Variants in APC observed in about 807,000 individuals in gnomAD.
APC encodes adenomatous polyposis coli protein.
APC carries 72 observed loss-of-function variants against 247.0 expected under a neutral mutation model. The observed-to-expected ratio is 0.29, with a 90% CI of 0.24 to 0.35. The LOEUF (loss-of-function observed/expected upper bound fraction) is 0.35. Ranked by LOEUF, APC falls within the 10% of genes least tolerant of loss-of-function variation. The probability of loss-of-function intolerance (pLI) is 1.00; values close to 1 mark genes in which losing one functional copy is unlikely to be tolerated. For missense variants in APC, 3,400 were observed against 3,360.7 expected (o/e 1.01, Z -0.29); for synonymous variants, 1,254 against 1,162.5 (o/e 1.08, Z -1.60).
intron 1 of APC, among the ~76,000 whole-genome samples, chr5:112,712,977 C>G (rs1482016972): frequency 6.6e-6 from 1 of 151,996 alleles, no homozygotes; most frequent in African/African-American, 2.4e-5. Context: ...TTGAGACCAG[C>G]CTGGCTAACA....
At chr5:112,718,981 C>CT (rs2149652843) in intron 1 of APC, among the ~76,000 whole-genome samples, 1 of 152,208 alleles carries the variant, frequency 6.6e-6, no homozygotes, top group South Asian at 2.1e-4. Flanking sequence ...TTGCAAAGCC[C>CT]TAAGGGAAGG....
rs76039388 is a variant in APC, at chr5:112,731,333, A to G, written c.165+23451A>G. Among the ~76,000 whole-genome samples the G allele has an allele frequency of 6.6e-6, 1 of 152,168 alleles. No homozygotes were observed. Among genetic ancestry groups the G allele is most frequent in the Non-Finnish European group, 1.5e-5 (1 of 68,032 alleles). On this transcript the variant is annotated intron_variant, in intron 1 of 13. Coordinates refer to the APC transcript ENST00000507379. ...GACTGGGTAATTTATAATGAACAGA[A>G]ATTTATTGGTTCATAGTTATAGGAG... is the stretch of plus-strand genomic sequence containing the variant.
intron 6 of APC, among the ~76,000 whole-genome samples, chr5:112,787,633 C>T (rs745422017): frequency 3.9e-5 from 6 of 152,138 alleles, no homozygotes; most frequent in Non-Finnish European, 5.9e-5. Context: ...TCATTCCCTA[C>T]TGTTAAATGT....
chr5:112,759,614 C>G (rs1448378956), intron 2 of APC, among the ~76,000 whole-genome samples: 1 of 152,100 alleles, frequency 6.6e-6, no homozygotes, highest in Non-Finnish European at 1.5e-5. Flanking sequence ...CCTCGGCCTC[C>G]AAAGTGCTGG....
In APC at chr5:112,775,611, T is replaced by TAA; in HGVS notation, c.423-18_423-17insAA. The TAA allele has an allele frequency of 6.7e-7, 1 of 1,495,404 alleles. No individual in the cohort carries two copies. Among genetic ancestry groups the TAA allele is most frequent in the Non-Finnish European group, 9.3e-7 (1 of 1,079,436 alleles). 92.6% of individuals were successfully genotyped at this position (1,495,404 alleles called of 1,614,324 possible). ...TAGCATTGTTTAAACGTACCTTTTT[T>TAA]TAAAAAAAAAAAAATAGGTCATTGC... On this transcript the variant is annotated splice_polypyrimidine_tract_variant and intron_variant, in intron 4 of 15. Transcript: ENST00000257430.
intron 11 of APC, among the ~76,000 whole-genome samples, chr5:112,826,683 AAAATT>A (rs1368480472): frequency 1.3e-5 from 2 of 151,814 alleles, no homozygotes; most frequent in African/African-American, 4.8e-5. Context: ...CCAAAAAAAA[AAAATT>A]AAAGTAGTTA....
chr5:112,804,214 G>C (rs981647674), intron 8 of APC, among the ~76,000 whole-genome samples: 1 of 152,144 alleles, frequency 6.6e-6, no homozygotes, highest in African/African-American at 2.4e-5. Flanking sequence ...TTGATACGCT[G>C]TATTCCTGCT....
rs572333060 is a variant in APC at position 112,844,165 on chromosome 5, T to C, written c.*39T>C. 6.5e-7 allele frequency: 1 copy of C among 1,536,292 alleles called. No homozygotes were observed. The highest frequency in any genetic ancestry group is 9.0e-7 in the Non-Finnish European group (1 of 1,112,362). On this transcript the variant is annotated 3_prime_UTR_variant, in exon 16 of 16. Coordinates refer to ENST00000257430, the MANE Select transcript of APC (RefSeq NM_000038.6). ...TGAAACTAAGAAAATTCTATGTTAA[T>C]TACAACTGCTATATAGACATTTTGT...
chr5:112,836,165 T>TCCCCCCCCCCCCCCCCCC lies in APC; in HGVS notation c.1958+1014_1958+1015insCCCCCCCCCCCCCCCCCC, dbSNP rs59050067. 5.3e-4 allele frequency among the ~76,000 whole-genome samples: 13 copies of TCCCCCCCCCCCCCCCCCC among 24,492 alleles called. 1 individual carries two copies. Among genetic ancestry groups the TCCCCCCCCCCCCCCCCCC allele is most frequent in the South Asian group, 4.4e-3 (1 of 228 alleles). The allele number at this position is 24,492 out of a possible 152,430, so 16.1% of individuals were successfully genotyped here. On this transcript the variant is annotated intron_variant, in intron 15 of 15. Transcript: ENST00000257430. Reference sequence around the variant, plus strand: ...CCTCCCGAGTAGCTGGGATTACAGGTCCCCCCCCCCCCCCGCCACCGTGCC... The same window carrying TCCCCCCCCCCCCCCCCCC: ...CCTCCCGAGTAGCTGGGATTACAGGTCCCCCCCCCCCCCCCCCCCCCCCCCCCCCCCCGCCACCGTGCC...
chr5:112,841,581 A>T lies in APC; in HGVS notation c.5987A>T (p.Gln1996Leu), dbSNP rs587779802. Residue 1996 changes from glutamine (Q) to leucine (L), a missense_variant, in exon 16 of 16, where the codon CAG (glutamine) becomes CTG (leucine). Coordinates refer to ENST00000257430, the MANE Select transcript of APC (RefSeq NM_000038.6). The surrounding 1 kb of genome is among the most constrained non-coding windows in gnomAD (Gnocchi z 4.6). Reference protein sequence around the residue: ...PIKETEPPDSQGEPSKPQASG... With the variant: ...PIKETEPPDSLGEPSKPQASG... ...AAAGAGACTGAGCCCCCTGACTCAC[A>T]GGGAGAACCAAGTAAACCTCAAGCA... 6.2e-6 allele frequency: 10 copies of T among 1,613,836 alleles called. No individual in the cohort carries two copies. The highest frequency in any genetic ancestry group is 1.3e-5 in the African/African-American group (1 of 74,918).
rs1750576410 is a variant in APC at position 112,707,558 on chromosome 5, G to A, written c.-160G>A. On this transcript the variant is annotated 5_prime_UTR_variant, in exon 1 of 14. Coordinates refer to the APC transcript ENST00000507379. ...AGGGCAAGTAGCAAGGGGGCGGGGT[G>A]TGGCCGCCGGAAGCCTAGCCGCTGC... 3.1e-6 allele frequency: 2 copies of A among 652,682 alleles called. No individual in the cohort carries two copies. The highest frequency in any genetic ancestry group is 4.8e-6 in the Non-Finnish European group (2 of 416,374). The allele number at this position is 652,682 out of a possible 1,614,324, so 40.4% of individuals were successfully genotyped here.
intron 1 of APC, chr5:112,707,922 AGC>A: frequency 1.5e-6 from 2 of 1,324,954 alleles, no homozygotes; most frequent in Non-Finnish European, 2.0e-6. Flanking sequence ...CTCCCGGCAA[AGC>A]TTCCTCGGCT....
Position 112,838,399 on chromosome 5 carries a change from C to T in APC, c.2805C>T (p.Tyr935=), listed in dbSNP as rs137854575. 5.1e-4 allele frequency: 818 copies of T among 1,614,184 alleles called. No homozygotes were observed. The highest frequency in any genetic ancestry group is 6.1e-4 in the Non-Finnish European group (723 of 1,180,020). Residue 935 remains tyrosine (Y), a synonymous_variant, in exon 16 of 16, where the codon TAC becomes TAT. Transcript: ENST00000257430. ...CTGCCCATACACATTCAAACACTTA[C>T]AATTTCACTAAGTCGGAAAATTCAA... ...SSAAHTHSNT[Y]NFTKSENSNR...
At chr5:112,765,713 A>C (rs1269816772) in intron 2 of APC, among the ~76,000 whole-genome samples, 1 of 152,240 alleles carries the variant, frequency 6.6e-6, no homozygotes. Context: ...AAACTGGTAG[A>C]AAATGAAAAT....
rs1561596883 is a variant in APC, at chr5:112,840,587, C to T, written c.4993C>T (p.Pro1665Ser). The T allele has an allele frequency of 1.2e-6, 2 of 1,614,064 alleles. No individual in the cohort carries two copies. Among genetic ancestry groups the T allele is most frequent in the Non-Finnish European group, 1.7e-6 (2 of 1,179,992 alleles). ...TCTAAGTGATCTAACAATCGAATCC[C>T]CTCCAAATGAGTTAGCTGCTGGAGA... ...TSLSDLTIES[P>S]PNELAAGEGV... Residue 1665 changes from proline to serine, a missense_variant, in exon 16 of 16, where the codon CCT (proline) becomes TCT (serine). Transcript: ENST00000257430. This position sits in a 1 kb window ranked among gnomAD's most constrained non-coding sequence, Gnocchi z 4.1.
chr5:112,766,609 T>C (rs1018040016), intron 3 of APC, among the ~76,000 whole-genome samples, 199 bp downstream of exon 3: 8 of 152,182 alleles, frequency 5.3e-5, no homozygotes, highest in Non-Finnish European at 1.0e-4. Flanking sequence ...CAGTTAAACA[T>C]TTAACTGGCT....
intron 2 of APC, among the ~76,000 whole-genome samples, chr5:112,759,182 A>T (rs1367282581): frequency 1.3e-5 from 2 of 152,202 alleles, no homozygotes; most frequent in Non-Finnish European, 2.9e-5. Flanking sequence ...GTAATTATCA[A>T]GTGTACTTAT....
intron 1 of APC, among the ~76,000 whole-genome samples, chr5:112,713,658 G>A (rs754827073): frequency 2.6e-5 from 4 of 152,170 alleles, no homozygotes; most frequent in Non-Finnish European, 5.9e-5. Flanking sequence ...AATATAAGCT[G>A]TACATAGGAT....
intron 2 of APC, among the ~76,000 whole-genome samples, chr5:112,756,126 C>T (rs1353402580): frequency 6.6e-6 from 1 of 152,174 alleles, no homozygotes; most frequent in Non-Finnish European, 1.5e-5. Context: ...TTCAAGGTTT[C>T]CCTTATTCTC....
Sources: gnomAD v4.1 joint callset for allele counts (sites outside exome capture counted in the v4.1 genomes callset) on GRCh38, gnomAD v4.1.1 for gene constraint, Gnocchi (gnomAD v3.1) non-coding constraint, MANE v1.5 for transcripts, NCBI Gene and HGNC (gene_info 2026-07-23, HGNC 2026-07-21) for gene names.